Variants in UGT1A8 observed in about 807,000 individuals in gnomAD.
The protein encoded by UGT1A8 is UDP glucuronosyltransferase family 1 member A8.
A neutral mutation model predicts 45.3 loss-of-function variants in UGT1A8; 39 were observed. The observed-to-expected ratio is 0.86, with a 90% CI of 0.67 to 1.12. The LOEUF (loss-of-function observed/expected upper bound fraction) is 1.12, where lower values mean the gene tolerates loss of function less well. Ranked by LOEUF, UGT1A8 falls within the 50% of genes most tolerant of loss-of-function variation. The pLI, the probability that UGT1A8 is intolerant of heterozygous loss-of-function variation, is 0.00. For missense variants in UGT1A8, 719 were observed against 664.9 expected (o/e 1.08, Z -0.90); for synonymous variants, 275 against 249.2 (o/e 1.10, Z -0.97).
chr2:233,695,453 G>A (rs1052369208), intron 1 of UGT1A8, among the ~76,000 whole-genome samples: 2 of 151,290 alleles, frequency 1.3e-5, no homozygotes, highest in African/African-American at 2.4e-5. Context: ...TTTGATCAAC[G>A]TGCTTTATTG....
intron 1 of UGT1A8, chr2:233,690,814 G>A: frequency 1.9e-6 from 2 of 1,077,024 alleles, no homozygotes; most frequent in Non-Finnish European, 2.3e-6. Flanking sequence ...TCTTAGTACA[G>A]TCAAAGCTCA....
chr2:233,756,139 A>C lies in UGT1A8; in HGVS notation c.856-10895A>C, dbSNP rs548564023. ...CTTTGTAAAATTCTCCTGAAAAATT[A>C]CTGGGGATCCCTAGGATTTCCTGGC... On this transcript the variant is annotated intron_variant, in intron 1 of 4. Coordinates refer to ENST00000373450, the MANE Select transcript of UGT1A8 (RefSeq NM_019076.5). 16 of 152,358 alleles carry C rather than the reference A, an allele frequency of 1.1e-4. No individual in the cohort carries two copies. In the East Asian group the frequency reaches 1.4e-3, roughly 13 times the overall value. 9.4% of individuals were successfully genotyped at this position (152,358 alleles called of 1,614,324 possible). A position where few individuals can be genotyped will look rare whatever the true frequency, so the allele number is the denominator to read the frequency against.
intron 1 of UGT1A8, chr2:233,743,484 G>A (rs773869804): frequency 7.3e-7 from 1 of 1,367,080 alleles, no homozygotes; most frequent in Non-Finnish European, 9.8e-7. Flanking sequence ...GAAATTCACT[G>A]AAGGCAGAGA....
chr2:233,675,598 A>G (rs1409692830), intron 1 of UGT1A8, among the ~76,000 whole-genome samples: 1 of 152,156 alleles, frequency 6.6e-6, no homozygotes, highest in Non-Finnish European at 1.5e-5. Flanking sequence ...GACAAGACTA[A>G]GGCCTCCCAC....
chr2:233,713,150 G>C (rs190570057), intron 1 of UGT1A8: 82 of 1,614,120 alleles, frequency 5.1e-5, no homozygotes, highest in Non-Finnish European at 6.3e-5. Flanking sequence ...ACCTCCATGC[G>C]AGAGGCCACC....
At chr2:233,726,442 TC>T (rs1229144566) in intron 1 of UGT1A8, among the ~76,000 whole-genome samples, 1 of 152,218 alleles carries the variant, frequency 6.6e-6, no homozygotes, top group Non-Finnish European at 1.5e-5. Flanking sequence ...TCTTATTCTT[TC>T]CACTGAATGT....
rs773882230 is a variant in UGT1A8, at chr2:233,617,688, G to T, written c.-20G>T. On this transcript the variant is annotated 5_prime_UTR_variant, in exon 1 of 5. Transcript: ENST00000373450. ...TAGCAGCTTAGAATCCCAGCTGCTG[G>T]CTCGGGCTGCAGTTCTCTCATGGCT... 1.0e-5 allele frequency: 16 copies of T among 1,602,042 alleles called. No homozygotes were observed. Among genetic ancestry groups the T allele is most frequent in the Admixed American group, 1.7e-5 (1 of 59,170 alleles).
chr2:233,745,917 G>A (rs976773367), intron 1 of UGT1A8, among the ~76,000 whole-genome samples: 1 of 151,628 alleles, frequency 6.6e-6, no homozygotes, highest in Non-Finnish European at 1.5e-5. Flanking sequence ...AGCTGAGGCA[G>A]TGATTCAGAA....
chr2:233,718,056 A>T (rs1203878997), intron 1 of UGT1A8: 5 of 356,546 alleles, frequency 1.4e-5, no homozygotes, highest in Non-Finnish European at 2.8e-5. Flanking sequence ...CCCTGAACCC[A>T]CCGTGGGTCC....
At chr2:233,743,592 G>T (rs370692834) in intron 1 of UGT1A8, 2 of 1,367,196 alleles carry the variant, frequency 1.5e-6, no homozygotes, top group Non-Finnish European at 2.0e-6. Context: ...AAGGAGAATG[G>T]GTCCTGGCCG....
chr2:233,713,060 G>A (rs2076274457), intron 1 of UGT1A8: 1 of 1,614,168 alleles, frequency 6.2e-7, no homozygotes, highest in South Asian at 1.1e-5. Flanking sequence ...TCAGTGTCCA[G>A]CCCTGGGCTG....
intron 1 of UGT1A8, among the ~76,000 whole-genome samples, chr2:233,662,033 A>G (rs2073981512): frequency 6.6e-6 from 1 of 152,142 alleles, no homozygotes; most frequent in Non-Finnish European, 1.5e-5. Context: ...ACTCCCTGCA[A>G]TAGCAACAGG....
chr2:233,757,561 T>TATATATATATATATATATATATATATAA (rs71058576), intron 1 of UGT1A8, among the ~76,000 whole-genome samples: 1 of 121,180 alleles, frequency 8.3e-6, no homozygotes, highest in Admixed American at 7.9e-5. Context: ...TATATATATA[T>TATATATATATATATATATATATATATAA]GTATATATGA....
At chr2:233,748,187 T>C (rs919383057) in intron 1 of UGT1A8, 2 of 1,565,066 alleles carry the variant, frequency 1.3e-6, no homozygotes, top group African/African-American at 2.7e-5. Flanking sequence ...GGTGCTTTTA[T>C]TTCTGCTTGT....
intron 1 of UGT1A8, among the ~76,000 whole-genome samples, chr2:233,701,112 T>A (rs1234680101): frequency 6.6e-6 from 1 of 152,196 alleles, no homozygotes; most frequent in Non-Finnish European, 1.5e-5. Flanking sequence ...CTTAATCCAG[T>A]CTATCATTGA....
chr2:233,626,416 A>G (rs1443763516), intron 1 of UGT1A8, among the ~76,000 whole-genome samples: 2 of 151,962 alleles, frequency 1.3e-5, no homozygotes, highest in African/African-American at 2.4e-5. Context: ...TGTGGTGTCT[A>G]TTGACTCTTG....
At position 233,692,977 on chromosome 2, in the gene UGT1A8, T is replaced by A. The variant is rs748283571; in HGVS notation, c.856-74057T>A. The A allele has an allele frequency of 8.7e-6, 14 of 1,612,662 alleles. No homozygotes were observed. The East Asian group carries it at 3.1e-4, about 36-fold the overall frequency. On this transcript the variant is annotated intron_variant, in intron 1 of 4. Transcript: ENST00000373450. ...GATTTGGAGAGTGAAAACTCTTTAT[T>A]ACCGTTGTTACTTTAACTCTTTCCA...
chr2:233,619,192 A>G (rs1035387187), intron 1 of UGT1A8, among the ~76,000 whole-genome samples: 1 of 152,170 alleles, frequency 6.6e-6, no homozygotes, highest in Non-Finnish European at 1.5e-5. Flanking sequence ...GCTGTGCTGG[A>G]CATATTCTTC....
rs1413037235 is a variant in UGT1A8, at chr2:233,728,990, C to T, written c.856-38044C>T. 4.6e-6 allele frequency: 7 copies of T among 1,537,926 alleles called. No homozygotes were observed. In the Admixed American group the frequency reaches 1.1e-4, roughly 25 times the overall value. On this transcript the variant is annotated intron_variant, in intron 1 of 4. Coordinates refer to ENST00000373450, the MANE Select transcript of UGT1A8 (RefSeq NM_019076.5). ...TGATAGATTAATGGTTAATAATTAA[C>T]TAGAGGAGGGCACTCTGTCTTCCAA...
Sources: allele counts gnomAD v4.1 joint callset (sites outside exome capture counted in the v4.1 genomes callset), GRCh38; gene constraint gnomAD v4.1.1; transcripts MANE v1.5; gene names NCBI Gene and HGNC (gene_info 2026-07-23, HGNC 2026-07-21).